DGKI: variants seen among roughly 807,000 people sequenced by gnomAD.
DGKI encodes the protein diacylglycerol kinase iota.
A neutral mutation model predicts 147.5 loss-of-function variants in DGKI; 55 were observed. The observed-to-expected ratio is 0.37, with a 90% CI of 0.30 to 0.47. The LOEUF is 0.47. DGKI is among the 20% of genes least tolerant of loss of function. The pLI is 1.00. For synonymous variants in DGKI, 469 were observed against 477.1 expected, an observed-to-expected ratio of 0.98 and a Z score of 0.22; for missense variants, 1,007 against 1,323.8, an observed-to-expected ratio of 0.76 and a Z score of 3.71.
intron 10 of DGKI, among the ~76,000 whole-genome samples, chr7:137,605,377 A>AAAT (rs1820148917): frequency 6.8e-6 from 1 of 147,616 alleles, no homozygotes; most frequent in South Asian, 2.1e-4. Context: ...AAATAAAATA[A>AAAT]AAAAAGTTGA....
chr7:137,403,566 A>T (rs1811841039), intron 30 of DGKI, among the ~76,000 whole-genome samples: 1 of 152,194 alleles, frequency 6.6e-6, no homozygotes, highest in South Asian at 2.1e-4. Flanking sequence ...GTAAGGCTGC[A>T]GGAAGCAAAG....
At chr7:137,516,782 CT>C (rs1816760217) in intron 21 of DGKI, among the ~76,000 whole-genome samples, 1 of 151,948 alleles carries the variant, frequency 6.6e-6, no homozygotes, top group Admixed American at 6.6e-5. Context: ...GGTTGAATGG[CT>C]CTACCATTTT....
chr7:137,658,203 A>G (rs1822292423), intron 3 of DGKI, among the ~76,000 whole-genome samples: 1 of 152,236 alleles, frequency 6.6e-6, no homozygotes, highest in Non-Finnish European at 1.5e-5. Flanking sequence ...GAGGAACAAG[A>G]AAACATACAG....
At chr7:137,664,579 G>A (rs1039728588) in intron 3 of DGKI, among the ~76,000 whole-genome samples, 2 of 152,108 alleles carry the variant, frequency 1.3e-5, no homozygotes, top group Non-Finnish European at 1.5e-5. Context: ...CATAGACTGC[G>A]TAGAGTTAAA....
intron 21 of DGKI, among the ~76,000 whole-genome samples, chr7:137,505,838 G>A (rs1816348849): frequency 6.6e-6 from 1 of 151,848 alleles, no homozygotes; most frequent in Non-Finnish European, 1.5e-5. Flanking sequence ...AATATAGGCA[G>A]CAAATACAGT....
At chr7:137,656,583 T>C in intron 3 of DGKI, 43 bp from the exon 4 acceptor site, 1 of 1,595,914 alleles carries the variant, frequency 6.3e-7, no homozygotes, top group East Asian at 2.2e-5. Context: ...ATGTTAACAG[T>C]CTGTTCTGAA....
intron 3 of DGKI, among the ~76,000 whole-genome samples, chr7:137,664,394 A>G (rs1190698392): frequency 3.6e-5 from 5 of 138,764 alleles, no homozygotes; most frequent in East Asian, 4.2e-4. Flanking sequence ...AAAAAAAAAA[A>G]AAAAGAAAGA....
intron 1 of DGKI, among the ~76,000 whole-genome samples, chr7:137,793,897 T>A (rs1796944457): frequency 6.6e-6 from 1 of 152,174 alleles, no homozygotes; most frequent in African/African-American, 2.4e-5. Flanking sequence ...TACTGAAGAT[T>A]ACCCAACAAA....
At chr7:137,486,798 ATGT>A (rs1309411513) in intron 22 of DGKI, among the ~76,000 whole-genome samples, 1 of 152,146 alleles carries the variant, frequency 6.6e-6, no homozygotes, top group Non-Finnish European at 1.5e-5. Flanking sequence ...TATGTATAAC[ATGT>A]TGTCTGGGAC....
intron 1 of DGKI, among the ~76,000 whole-genome samples, chr7:137,795,417 C>T (rs1212765294): frequency 6.6e-6 from 1 of 152,202 alleles, no homozygotes; most frequent in Non-Finnish European, 1.5e-5. Context: ...AATTCTCATT[C>T]ACATGGAATT....
chr7:137,720,548 G>T (rs1035743556), intron 1 of DGKI, among the ~76,000 whole-genome samples: 1 of 152,132 alleles, frequency 6.6e-6, no homozygotes, highest in South Asian at 2.1e-4. Context: ...GTGAGCCACC[G>T]CGCCCGGCCG....
In DGKI at chr7:137,846,789, G is replaced by A. The variant is rs956656034; in HGVS notation, c.74C>T (p.Ala25Val). The A allele has an allele frequency of 9.1e-7, 1 of 1,103,902 alleles. No homozygotes were observed. Among genetic ancestry groups the A allele is most frequent in the Non-Finnish European group, 1.1e-6 (1 of 907,016 alleles). The allele number at this position is 1,103,902 out of a possible 1,614,324, so 68.4% of individuals were successfully genotyped here. Residue 25 changes from alanine to valine, a missense_variant, in exon 1 of 33, where the codon GCC becomes GTC. Coordinates refer to ENST00000614521, the MANE Select transcript of DGKI (RefSeq NM_001321708.2). This position sits in a 1 kb window ranked among gnomAD's most constrained non-coding sequence, Gnocchi z 4.0. ...AARGPARAPA[A>V]AAAAAASPPG... ...CGGGCTGGCGGCGGCGGCGGCGGCG[G>A]CTGCAGGAGCGCGGGCAGGTCCGCG... is the stretch of plus-strand genomic sequence containing the variant.
chr7:137,499,989 T>A (rs1242238503), intron 21 of DGKI, among the ~76,000 whole-genome samples: 3 of 152,166 alleles, frequency 2.0e-5, no homozygotes, highest in Non-Finnish European at 4.4e-5. Flanking sequence ...AGCTTGGACT[T>A]CCTGCCTCCA....
At chr7:137,685,239 C>G (rs543069050) in intron 2 of DGKI, among the ~76,000 whole-genome samples, 2 of 152,056 alleles carry the variant, frequency 1.3e-5, no homozygotes, top group Non-Finnish European at 2.9e-5. Flanking sequence ...CTCTTGGGAC[C>G]GAAGAAAGTT....
chr7:137,483,022 G>A (rs920659025), intron 23 of DGKI, among the ~76,000 whole-genome samples: 4 of 152,030 alleles, frequency 2.6e-5, no homozygotes, highest in African/African-American at 9.7e-5. Context: ...TGACTTGACT[G>A]TAAGTAAACA....
At chr7:137,505,131 G>A (rs1816322301) in intron 21 of DGKI, among the ~76,000 whole-genome samples, 1 of 150,432 alleles carries the variant, frequency 6.6e-6, no homozygotes, top group Admixed American at 6.6e-5. Context: ...TTCTGGGGGT[G>A]GGGGGATGGG....
At chr7:137,472,299 T>TACA (rs376533829) in intron 23 of DGKI, among the ~76,000 whole-genome samples, 2 of 3,918 alleles carry the variant, frequency 5.1e-4, no homozygotes, top group African/African-American at 8.1e-4. Flanking sequence ...TATGTGTATA[T>TACA]TTATGTGTAT....
At chr7:137,578,161 TA>T in intron 16 of DGKI, 108 bp downstream of exon 16, 1 of 714,376 alleles carries the variant, frequency 1.4e-6, no homozygotes. Flanking sequence ...TAGACATATA[TA>T]AATGAGATGT....
At chr7:137,711,631 C>T (rs1420965666) in intron 1 of DGKI, among the ~76,000 whole-genome samples, 2 of 144,586 alleles carry the variant, frequency 1.4e-5, no homozygotes, top group African/African-American at 2.6e-5. Context: ...AACTGGAATT[C>T]GGGTTAATCT....
Sources: gnomAD v4.1 joint callset for allele counts (sites outside exome capture counted in the v4.1 genomes callset) on GRCh38, gnomAD v4.1.1 for gene constraint, Gnocchi (gnomAD v3.1) non-coding constraint, MANE v1.5 for transcripts, NCBI Gene and HGNC (gene_info 2026-07-23, HGNC 2026-07-21) for gene names.